TNFRSF21: variants seen among roughly 807,000 people sequenced by gnomAD.
The protein encoded by TNFRSF21 is tumor necrosis factor receptor superfamily member 21.
Under a neutral mutation model 45.6 loss-of-function variants are expected in TNFRSF21, and 19 were observed. The ratio of observed to expected loss-of-function variants is 0.42; its 90% CI spans 0.29 to 0.61. The LOEUF is 0.61. Among genes scored for constraint, TNFRSF21 ranks in the 20% least tolerant of loss-of-function variants. TNFRSF21 has a pLI of 0.23. For synonymous variants in TNFRSF21, 314 were observed against 335.5 expected, an observed-to-expected ratio of 0.94 and a Z score of 0.70; for missense variants, 737 against 851.5, an observed-to-expected ratio of 0.87 and a Z score of 1.67.
At chr6:47,292,383 A>G (rs112251765) in intron 1 of TNFRSF21, among the ~76,000 whole-genome samples, 37 of 152,102 alleles carry the variant, frequency 2.4e-4, no homozygotes, top group African/African-American at 8.7e-4. Context: ...GCTTTAAAAA[A>G]AAAAAATCAC....
At position 47,261,115 on chromosome 6, in the gene TNFRSF21, G is replaced by C. The variant is rs556879391; in HGVS notation, c.1244-7594C>G. Among the ~76,000 whole-genome samples, 44 of 152,220 alleles carry C rather than the reference G, an allele frequency of 2.9e-4. 1 individual carries two copies. In the South Asian group the frequency reaches 4.6e-3, roughly 16 times the overall value. ...AACACCCCCCCAAACCTCCCTAAAA[G>C]ACATGCTCCTAACAGGCACGCACTG... On this transcript the variant is annotated intron_variant, in intron 3 of 5. Coordinates refer to ENST00000296861, the MANE Select transcript of TNFRSF21 (RefSeq NM_014452.5).
chr6:47,276,577 C>T (rs1211134009), intron 3 of TNFRSF21, among the ~76,000 whole-genome samples: 1 of 152,232 alleles, frequency 6.6e-6, no homozygotes, highest in Non-Finnish European at 1.5e-5. Context: ...GGACAAACCA[C>T]CTGTTCTTGC....
At position 47,253,786 on chromosome 6, in the gene TNFRSF21, G is replaced by A. The variant is rs118056272; in HGVS notation, c.1244-265C>T. On this transcript the variant is annotated intron_variant, in intron 3 of 5. Transcript: ENST00000296861. Reference sequence around the variant, plus strand: ...TATAATAAATCAGACCCAAAAAGATGTTTCGAAAGCCAAACCCAAATAAGG... The same window carrying A: ...TATAATAAATCAGACCCAAAAAGATATTTCGAAAGCCAAACCCAAATAAGG... Among the ~76,000 whole-genome samples the A allele has an allele frequency of 2.6e-4, 40 of 152,268 alleles. No homozygotes were observed. The East Asian group carries it at 7.3e-3, about 28-fold the overall frequency.
intron 4 of TNFRSF21, among the ~76,000 whole-genome samples, chr6:47,246,848 A>G (rs534023097): frequency 6.6e-6 from 1 of 152,328 alleles, no homozygotes; most frequent in East Asian, 1.9e-4. Flanking sequence ...AAATGGACAA[A>G]TATATATCTG....
rs1762993586 is a variant in TNFRSF21 at position 47,309,827 on chromosome 6, A to G, written c.-316T>C. On this transcript the variant is annotated 5_prime_UTR_variant, in exon 1 of 6. Transcript: ENST00000296861. ...AGGAGGACTGGGCGCGAGAGAGCAA[A>G]GGAACGACTTCCCATAGCGAAGCTT... 2 of 291,132 alleles carry G rather than the reference A, an allele frequency of 6.9e-6. No homozygotes were observed. The highest frequency in any genetic ancestry group is 2.2e-5 in the African/African-American group (1 of 45,982). The allele number at this position is 291,132 out of a possible 1,614,324, so 18.0% of individuals were successfully genotyped here. A position where few individuals can be genotyped will look rare whatever the true frequency, so the allele number is the denominator to read the frequency against.
At chr6:47,308,411 T>C (rs1762969275) in intron 1 of TNFRSF21, among the ~76,000 whole-genome samples, 2 of 152,346 alleles carry the variant, frequency 1.3e-5, no homozygotes, top group South Asian at 4.1e-4. Context: ...GCTAAGAATT[T>C]CCATCCCTCC....
chr6:47,308,435 GAT>G lies in TNFRSF21; in HGVS notation c.96+979_96+980del, dbSNP rs149607698. ...TTCCATCCCTCCTGCAGTGATAAAA[GAT>G]AGGCAAGGGAAGCTCAAGGGTTTGA... On this transcript the variant is annotated intron_variant, in intron 1 of 5. Coordinates refer to ENST00000296861, the MANE Select transcript of TNFRSF21 (RefSeq NM_014452.5). 4.4e-3 allele frequency among the ~76,000 whole-genome samples: 665 copies of G among 152,324 alleles called. 4 individuals carry two copies. The highest frequency in any genetic ancestry group is 0.015 in the African/African-American group (621 of 41,568).
intron 1 of TNFRSF21, among the ~76,000 whole-genome samples, chr6:47,303,261 A>G (rs985326400): frequency 1.3e-5 from 2 of 152,238 alleles, no homozygotes; most frequent in Admixed American, 1.3e-4. Context: ...AGAAAAGTAT[A>G]TAAAGATTAG....
chr6:47,240,450 G>A (rs183080378), intron 4 of TNFRSF21, among the ~76,000 whole-genome samples: 1 of 152,198 alleles, frequency 6.6e-6, no homozygotes, highest in African/African-American at 2.4e-5. Context: ...TGCTGCTAAG[G>A]AAGTTGTATC....
intron 4 of TNFRSF21, among the ~76,000 whole-genome samples, chr6:47,237,407 T>A (rs1334279754): frequency 6.6e-6 from 1 of 152,268 alleles, no homozygotes; most frequent in Non-Finnish European, 1.5e-5. Context: ...TTCTGCTTTC[T>A]AATCAGAACA....
At chr6:47,288,366 G>A (rs1489267314) in intron 1 of TNFRSF21, among the ~76,000 whole-genome samples, 1 of 152,186 alleles carries the variant, frequency 6.6e-6, no homozygotes, top group Non-Finnish European at 1.5e-5. Context: ...CTGCTTTGGA[G>A]AGTGGAGAGA....
At chr6:47,281,217 T>G (rs955951670) in intron 3 of TNFRSF21, among the ~76,000 whole-genome samples, 3 of 152,042 alleles carry the variant, frequency 2.0e-5, no homozygotes, top group African/African-American at 7.2e-5. Flanking sequence ...AGGAAATACA[T>G]GCTAAAGTAT....
chr6:47,269,353 C>G (rs1373658689), intron 3 of TNFRSF21, among the ~76,000 whole-genome samples: 1 of 152,136 alleles, frequency 6.6e-6, no homozygotes, highest in African/African-American at 2.4e-5. Flanking sequence ...GCCTAGTAAG[C>G]CCTAGTCCTG....
chr6:47,272,310 A>C (rs1415474259), intron 3 of TNFRSF21, among the ~76,000 whole-genome samples: 1 of 152,142 alleles, frequency 6.6e-6, no homozygotes, highest in Non-Finnish European at 1.5e-5. Flanking sequence ...ATCACAACAA[A>C]CTGTCTCTCA....
chr6:47,283,980 T>C lies in TNFRSF21; in HGVS notation c.1201A>G (p.Thr401Ala), dbSNP rs759457766. Residue 401 changes from threonine (T) to alanine (A), a missense_variant, in exon 3 of 6, where the codon ACC becomes GCC. Thr to Ala is a moderately conservative substitution (Grantham distance 58). Coordinates refer to ENST00000296861, the MANE Select transcript of TNFRSF21 (RefSeq NM_014452.5). ...TAGATCCATTTCTCCCGGTTCTGGG[T>C]TGGAGTCATGGATTTCTTCAGCCCT... ...KAGLKKSMTP[T>A]QNREKWIYYC... 3.7e-6 allele frequency: 6 copies of C among 1,613,994 alleles called. No individual in the cohort carries two copies. The African/African-American group carries it at 8.0e-5, about 22-fold the overall frequency.
At chr6:47,292,758 A>C (rs1453169783) in intron 1 of TNFRSF21, among the ~76,000 whole-genome samples, 1 of 152,236 alleles carries the variant, frequency 6.6e-6, no homozygotes, top group African/African-American at 2.4e-5. Flanking sequence ...ACTCATTCCC[A>C]GAGAGACTCA....
chr6:47,252,963 A>G (rs908404817), intron 4 of TNFRSF21, among the ~76,000 whole-genome samples: 4 of 152,188 alleles, frequency 2.6e-5, no homozygotes, highest in African/African-American at 9.6e-5. Flanking sequence ...GAGCTTTTAC[A>G]AATACCGATT....
chr6:47,245,942 G>T (rs1294233189), intron 4 of TNFRSF21, among the ~76,000 whole-genome samples: 2 of 152,162 alleles, frequency 1.3e-5, no homozygotes, highest in African/African-American at 4.8e-5. Flanking sequence ...AGGGGGAGGT[G>T]CCACATGCTT....
intron 4 of TNFRSF21, among the ~76,000 whole-genome samples, chr6:47,248,722 T>C (rs1764857160): frequency 6.6e-6 from 1 of 152,234 alleles, no homozygotes. Flanking sequence ...GGCCACCTGC[T>C]TTCAGCAGTC....
Sources: gnomAD v4.1 joint callset for allele counts (sites outside exome capture counted in the v4.1 genomes callset) on GRCh38, gnomAD v4.1.1 for gene constraint, MANE v1.5 for transcripts, NCBI Gene and HGNC (gene_info 2026-07-23, HGNC 2026-07-21) for gene names.